HACD2: variants seen among roughly 807,000 people sequenced by gnomAD.
The protein encoded by HACD2 is 3-hydroxyacyl-CoA dehydratase 2.
HACD2 carries 15 observed loss-of-function variants against 31.0 expected under a neutral mutation model. That is an observed-to-expected ratio of 0.48 (90% CI 0.32 to 0.75). The LOEUF is 0.75. Among genes scored for constraint, HACD2 ranks in the 30% least tolerant of loss-of-function variants. The pLI is 0.03. For missense variants in HACD2, 283 were observed against 313.0 expected, an observed-to-expected ratio of 0.90 and a Z score of 0.72; for synonymous variants, 115 against 122.2, an observed-to-expected ratio of 0.94 and a Z score of 0.39.
intron 4 of HACD2, among the ~76,000 whole-genome samples, chr3:123,524,768 T>G (rs768738662): frequency 5.9e-5 from 9 of 152,108 alleles, no homozygotes; most frequent in Non-Finnish European, 1.2e-4. Context: ...ATCACAGGTG[T>G]GAGCCACTGT....
intron 4 of HACD2, among the ~76,000 whole-genome samples, chr3:123,519,213 A>C (rs2056183373): frequency 6.6e-6 from 1 of 152,128 alleles, no homozygotes; most frequent in Non-Finnish European, 1.5e-5. Context: ...TTCCCCTCTA[A>C]AAAAAGCATC....
intron 6 of HACD2, among the ~76,000 whole-genome samples, chr3:123,500,203 C>T (rs1217305758): frequency 6.6e-6 from 1 of 152,130 alleles, no homozygotes; most frequent in African/African-American, 2.4e-5. Context: ...CAAGGTAAGG[C>T]CTTTAATGGC....
intron 2 of HACD2, among the ~76,000 whole-genome samples, chr3:123,568,302 C>T (rs1576236342): frequency 6.6e-6 from 1 of 152,198 alleles, no homozygotes; most frequent in South Asian, 2.1e-4. Flanking sequence ...CCAATCCAAC[C>T]CTGTCTCCTG....
intron 1 of HACD2, 80 bp from the exon 2 acceptor site, chr3:123,582,409 TAAAAG>T: frequency 1.1e-6 from 1 of 901,294 alleles, no homozygotes; most frequent in Non-Finnish European, 1.6e-6. Context: ...GCTGTGGCAA[TAAAAG>T]ATATTGCTAA....
At chr3:123,561,280 T>C (rs1479707869) in intron 3 of HACD2, among the ~76,000 whole-genome samples, 1 of 152,178 alleles carries the variant, frequency 6.6e-6, no homozygotes, top group African/African-American at 2.4e-5. Flanking sequence ...ATTATGATTT[T>C]TTTGGAATTC....
At chr3:123,545,486 AAAATAAATAAATAAATAAATAAAT>A (rs138722084) in intron 3 of HACD2, among the ~76,000 whole-genome samples, 1 of 112,952 alleles carries the variant, frequency 8.9e-6, no homozygotes, top group Admixed American at 1.0e-4. Context: ...AGTCTCAGTA[AAAATAAATAAATAAATAAATAAAT>A]AAATAAATAA....
chr3:123,561,086 G>A (rs559056472), intron 3 of HACD2, among the ~76,000 whole-genome samples: 3 of 152,270 alleles, frequency 2.0e-5, no homozygotes, highest in Middle Eastern at 3.4e-3. Flanking sequence ...GTAGCGGGGG[G>A]GCAGAGGAGG....
intron 3 of HACD2, among the ~76,000 whole-genome samples, chr3:123,563,326 G>A (rs1285669896): frequency 2.6e-5 from 4 of 152,176 alleles, no homozygotes; most frequent in African/African-American, 7.2e-5. Context: ...AAGGGGCTGG[G>A]CTGCTCATTC....
intron 3 of HACD2, among the ~76,000 whole-genome samples, chr3:123,566,621 C>T (rs994995967): frequency 0.12 from 10 of 80 alleles, no homozygotes; most frequent in Non-Finnish European, 0.18. Flanking sequence ...CTTGGCCAGG[C>T]GTGGTGACTG....
intron 2 of HACD2, among the ~76,000 whole-genome samples, chr3:123,579,978 TAG>T (rs1389349190): frequency 2.0e-5 from 3 of 152,110 alleles, no homozygotes; most frequent in Admixed American, 1.3e-4. Context: ...CCCAAATCTA[TAG>T]AGTCAGTTGG....
chr3:123,538,927 G>C (rs540997785), intron 3 of HACD2, among the ~76,000 whole-genome samples: 1 of 152,338 alleles, frequency 6.6e-6, no homozygotes, highest in East Asian at 1.9e-4. Flanking sequence ...GAATAAAGCA[G>C]CTGTGCTAGA....
chr3:123,577,053 A>C (rs2056914891), intron 2 of HACD2, among the ~76,000 whole-genome samples: 1 of 152,190 alleles, frequency 6.6e-6, no homozygotes, highest in South Asian at 2.1e-4. Flanking sequence ...ATTCCAGGAC[A>C]CGATCAGAAA....
chr3:123,504,530 TA>T (rs370207577), intron 4 of HACD2, among the ~76,000 whole-genome samples: 54 of 141,164 alleles, frequency 3.8e-4, no homozygotes, highest in African/African-American at 3.9e-4. Context: ...TTCAAATAGG[TA>T]AAAAAAAAAA....
At chr3:123,569,729 T>C (rs1449907635) in intron 2 of HACD2, among the ~76,000 whole-genome samples, 1 of 151,852 alleles carries the variant, frequency 6.6e-6, no homozygotes, top group Admixed American at 6.6e-5. Flanking sequence ...GGCTCACGCG[T>C]ATAATCCCAG....
intron 3 of HACD2, among the ~76,000 whole-genome samples, chr3:123,548,966 T>C (rs2056589702): frequency 6.6e-6 from 1 of 150,390 alleles, no homozygotes; most frequent in Non-Finnish European, 1.5e-5. Flanking sequence ...AAGCTATAAA[T>C]TGTGTAATTA....
chr3:123,497,869 T>C lies in HACD2; in HGVS notation c.682+2646A>G, dbSNP rs562963754. On this transcript the variant is annotated intron_variant, in intron 6 of 6. Transcript: ENST00000383657. ...CATGAAAAGGAGGTGTTACTTTATA[T>C]AATACATGTGTATCATCAACTTGCC... Among the ~76,000 whole-genome samples the C allele has an allele frequency of 2.0e-5, 3 of 152,348 alleles. No homozygotes were observed. The South Asian group carries it at 6.2e-4, about 32-fold the overall frequency.
intron 2 of HACD2, among the ~76,000 whole-genome samples, chr3:123,577,211 T>C (rs11928604): frequency 0.011 from 1,633 of 152,336 alleles, 12 homozygotes; most frequent in Non-Finnish European, 0.017. Context: ...TACAGCAATG[T>C]ACATATGTTG....
In HACD2 at chr3:123,522,337, A is replaced by AG. The variant is rs1484638722; in HGVS notation, c.381+6048_381+6049insC. Among the ~76,000 whole-genome samples, 853 of 148,042 alleles carry AG rather than the reference A, an allele frequency of 5.8e-3. 10 individuals are homozygous for AG. Among genetic ancestry groups the AG allele is most frequent in the African/African-American group, 0.022 (829 of 38,418 alleles). Reference sequence around the variant, plus strand: ...AGCAGGACCCTGTCTCCAAACAAAAAAAAAAAAAAAAAGAGAGAGAGAGAG... The same window carrying AG: ...AGCAGGACCCTGTCTCCAAACAAAAAGAAAAAAAAAAAAGAGAGAGAGAGAG... On this transcript the variant is annotated intron_variant, in intron 4 of 6. Transcript: ENST00000383657.
intron 3 of HACD2, among the ~76,000 whole-genome samples, chr3:123,558,357 A>T (rs532433526): frequency 2.6e-5 from 4 of 152,316 alleles, no homozygotes; most frequent in African/African-American, 7.2e-5. Flanking sequence ...TGTCATTATA[A>T]ATTTGTCCAA....
Sources: gnomAD v4.1 joint callset for allele counts (sites outside exome capture counted in the v4.1 genomes callset) on GRCh38, gnomAD v4.1.1 for gene constraint, MANE v1.5 for transcripts, NCBI Gene and HGNC (gene_info 2026-07-23, HGNC 2026-07-21) for gene names.